CALN1: variants seen among roughly 807,000 people sequenced by gnomAD.
CALN1 encodes the protein calcium-binding protein 8.
Under a neutral mutation model 30.6 loss-of-function variants are expected in CALN1, and 17 were observed. The observed-to-expected ratio is 0.56, with a 90% confidence interval of 0.38 to 0.83. The LOEUF is 0.83. Ranked by LOEUF, CALN1 falls within the 40% of genes least tolerant of loss-of-function variation. CALN1 has a pLI of 0.00. For missense variants in CALN1, 291 were observed against 354.9 expected, an observed-to-expected ratio of 0.82 and a Z score of 1.45; for synonymous variants, 156 against 131.4, an observed-to-expected ratio of 1.19 and a Z score of -1.28.
At chr7:72,265,650 T>G (rs1374634178) in intron 3 of CALN1, among the ~76,000 whole-genome samples, 2 of 152,102 alleles carry the variant, frequency 1.3e-5, no homozygotes, top group African/African-American at 2.4e-5. Flanking sequence ...ATTTTATGAC[T>G]GAGATAAACA....
intron 5 of CALN1, among the ~76,000 whole-genome samples, chr7:71,915,624 C>T (rs1242731491): frequency 1.3e-5 from 2 of 152,140 alleles, no homozygotes; most frequent in Non-Finnish European, 2.9e-5. Flanking sequence ...GTTCCCGCTA[C>T]TCAGGAGGCT....
chr7:72,212,715 G>A (rs1423234296), intron 3 of CALN1, among the ~76,000 whole-genome samples: 1 of 152,000 alleles, frequency 6.6e-6, no homozygotes, highest in African/African-American at 2.4e-5. Context: ...TCAGGAAGCT[G>A]AGGCTGGAGG....
intron 3 of CALN1, among the ~76,000 whole-genome samples, chr7:72,256,768 G>A (rs184522586): frequency 6.6e-6 from 1 of 152,134 alleles, no homozygotes; most frequent in East Asian, 1.9e-4. Flanking sequence ...GACCATGCCT[G>A]ACCTAGTTAA....
In CALN1 at chr7:71,926,565, T is replaced by C. The variant is rs151036008; in HGVS notation, c.501+97092A>G. Among the ~76,000 whole-genome samples, 390 of 152,368 alleles carry C rather than the reference T, an allele frequency of 2.6e-3. 1 individual carries two copies. Among genetic ancestry groups the C allele is most frequent in the Non-Finnish European group, 4.6e-3 (315 of 68,042 alleles). On this transcript the variant is annotated intron_variant, in intron 5 of 6. Transcript: ENST00000395275. ...ATTATTTGTAGATAGTGTTCTGCTATTATCTCTTCAAGTAGGTTGTCTGTC... is the reference window on the plus strand; with the variant it reads ...ATTATTTGTAGATAGTGTTCTGCTACTATCTCTTCAAGTAGGTTGTCTGTC...
chr7:72,198,647 T>C (rs1791206315), intron 3 of CALN1, among the ~76,000 whole-genome samples: 1 of 152,110 alleles, frequency 6.6e-6, no homozygotes, highest in Admixed American at 6.6e-5. Flanking sequence ...CTGTGACATT[T>C]ATAGCATGGG....
At chr7:72,199,322 T>C (rs1241737391) in intron 3 of CALN1, among the ~76,000 whole-genome samples, 1 of 152,044 alleles carries the variant, frequency 6.6e-6, no homozygotes, top group Non-Finnish European at 1.5e-5. Context: ...TAATGCCCAC[T>C]CTCCCAGTTT....
intron 1 of CALN1, among the ~76,000 whole-genome samples, chr7:72,439,146 T>C (rs539745041): frequency 6.6e-6 from 1 of 152,276 alleles, no homozygotes; most frequent in Admixed American, 6.5e-5. Flanking sequence ...TCCTCCCTCC[T>C]TAGCCTCCCG....
intron 4 of CALN1, among the ~76,000 whole-genome samples, chr7:72,059,167 A>C (rs1308387130): frequency 2.0e-5 from 3 of 151,968 alleles, no homozygotes; most frequent in Non-Finnish European, 4.4e-5. Flanking sequence ...TTAACAAACC[A>C]CTCTTAGGAA....
At chr7:72,159,205 G>T (rs1563108122) in intron 3 of CALN1, among the ~76,000 whole-genome samples, 2 of 152,136 alleles carry the variant, frequency 1.3e-5, no homozygotes, top group Non-Finnish European at 2.9e-5. Flanking sequence ...ACTGATGAAG[G>T]CACTTTTGGT....
chr7:72,043,264 C>T (rs564826812), intron 4 of CALN1, among the ~76,000 whole-genome samples: 1 of 152,288 alleles, frequency 6.6e-6, no homozygotes, highest in South Asian at 2.1e-4. Flanking sequence ...CCTCACACAG[C>T]TGGTCAAAGT....
chr7:71,998,551 C>A (rs970833633), intron 5 of CALN1, among the ~76,000 whole-genome samples: 1 of 150,638 alleles, frequency 6.6e-6, no homozygotes, highest in East Asian at 2.0e-4. Flanking sequence ...GCAACCACTA[C>A]AAAAACTATA....
chr7:71,837,340 T>C (rs964637172), intron 5 of CALN1, among the ~76,000 whole-genome samples: 1 of 151,558 alleles, frequency 6.6e-6, no homozygotes, highest in Admixed American at 6.6e-5. Context: ...TGTCTAGCCT[T>C]AGACATACCT....
intron 3 of CALN1, among the ~76,000 whole-genome samples, chr7:72,174,919 A>G (rs1789233283): frequency 7.5e-6 from 1 of 133,380 alleles, no homozygotes; most frequent in South Asian, 2.6e-4. Context: ...ATACCTCAAT[A>G]TAATCAATTT....
At chr7:72,103,751 A>G (rs78969596) in intron 4 of CALN1, among the ~76,000 whole-genome samples, 2,889 of 151,776 alleles carry the variant, frequency 0.019, 88 homozygotes, top group African/African-American at 0.066. Flanking sequence ...TTTGGAGAAG[A>G]TGGAAATGGA....
At chr7:72,124,486 T>A (rs1808604057) in intron 3 of CALN1, among the ~76,000 whole-genome samples, 2 of 152,076 alleles carry the variant, frequency 1.3e-5, no homozygotes, top group Admixed American at 6.6e-5. Flanking sequence ...TAAAGAATTT[T>A]AAAAATTAAC....
chr7:72,176,278 G>A (rs1258508814), intron 3 of CALN1, among the ~76,000 whole-genome samples: 1 of 152,192 alleles, frequency 6.6e-6, no homozygotes, highest in Admixed American at 6.5e-5. Context: ...TTGTGGGAAA[G>A]GTAAGGCCTC....
In CALN1 at chr7:72,143,770, T is replaced by C. The variant is rs199802969; in HGVS notation, c.245-37476A>G. Among the ~76,000 whole-genome samples the C allele has an allele frequency of 3.8e-3, 584 of 152,244 alleles. 5 individuals are homozygous for C. The highest frequency in any genetic ancestry group is 0.013 in the African/African-American group (538 of 41,536). The stretch of plus-strand genomic sequence containing the variant: ...AAGGGAAGCCCATCAGACTAACAGC[T>C]GATCTCTCGGCAGAAACTCTACAAG... On this transcript the variant is annotated intron_variant, in intron 3 of 6. Coordinates refer to ENST00000395275, the MANE Select transcript of CALN1 (RefSeq NM_031468.4).
the CALN1 span, among the ~76,000 whole-genome samples, chr7:72,466,637 G>C: frequency 6.6e-6 from 1 of 151,988 alleles, no homozygotes; most frequent in Admixed American, 6.6e-5. Context: ...CAGCTACTCG[G>C]GAGGCTGAGG....
chr7:71,897,979 A>C lies in CALN1; in HGVS notation c.502-87487T>G, dbSNP rs560895732. Among the ~76,000 whole-genome samples the C allele has an allele frequency of 4.6e-3, 539 of 117,742 alleles. 7 individuals are homozygous for C. The highest frequency in any genetic ancestry group is 0.018 in the South Asian group (67 of 3,794). 77.2% of individuals were successfully genotyped at this position (117,742 alleles called of 152,430 possible). On this transcript the variant is annotated intron_variant, in intron 5 of 6. Transcript: ENST00000395275. ...TTGGAAAAAAACAAAAAACAAAAAA[A>C]AAAAAAAAAAAAAGAGAGAGAGAGG...
Sources: allele counts gnomAD v4.1 joint callset (sites outside exome capture counted in the v4.1 genomes callset), GRCh38; gene constraint gnomAD v4.1.1; transcripts MANE v1.5; gene names NCBI Gene and HGNC (gene_info 2026-07-23, HGNC 2026-07-21).